The following KDM2B variants were observed in gnomAD, a reference collection of about 807,000 sequenced individuals.
KDM2B encodes lysine-specific demethylase 2B.
A neutral mutation model predicts 150.0 loss-of-function variants in KDM2B; 26 were observed. The ratio of observed to expected loss-of-function variants is 0.17; its 90% CI spans 0.13 to 0.24. KDM2B has a LOEUF of 0.24. KDM2B is among the 10% of genes least tolerant of loss of function. KDM2B has a pLI of 1.00. For synonymous variants in KDM2B, 734 were observed against 729.5 expected (o/e 1.01, Z -0.10); for missense variants, 1,265 against 1,816.9 (o/e 0.70, Z 5.52).
chr12:121,506,661 G>A (rs1311787381), intron 11 of KDM2B, among the ~76,000 whole-genome samples: 1 of 152,048 alleles, frequency 6.6e-6, no homozygotes, highest in African/African-American at 2.4e-5. Flanking sequence ...CAAAAGACCA[G>A]GCGCGGTGGC....
At position 121,444,017 on chromosome 12, in the gene KDM2B, T is replaced by A. The variant is rs1555289356; in HGVS notation, c.2446A>T (p.Lys816Ter). ...YEKPQELSGRKRASSLQTSPG... is the reference protein window; with the variant it reads ...YEKPQELSGR ...CAGCCCCTCCTGGTCCGTACCCGCT[T>A]GCGTCCACTCAGCTCCTGGGGCTTC... Residue 816 changes from lysine (K) to a stop codon, truncating the protein, a stop_gained, in exon 16 of 23, where the codon AAG becomes TAG. Transcript: ENST00000377071. LOFTEE classifies it high-confidence loss of function. The A allele has an allele frequency of 6.2e-7, 1 of 1,609,246 alleles. No homozygotes were observed. Among genetic ancestry groups the A allele is most frequent in the Non-Finnish European group, 8.5e-7 (1 of 1,176,934 alleles).
At chr12:121,550,454 GGCCAAATCCAGC>G (rs1307626021) in intron 4 of KDM2B, among the ~76,000 whole-genome samples, 2 of 152,104 alleles carry the variant, frequency 1.3e-5, no homozygotes, top group Non-Finnish European at 2.9e-5. Flanking sequence ...ACAGCCCAAG[GGCCAAATCCAGC>G]CTACGGCCTA....
At chr12:121,455,545 A>C (rs1443099055) in intron 12 of KDM2B, among the ~76,000 whole-genome samples, 2 of 152,092 alleles carry the variant, frequency 1.3e-5, no homozygotes, top group Admixed American at 6.5e-5. Context: ...ACCTACAAAA[A>C]ATTTTTAAAA....
In KDM2B at chr12:121,488,520, TGAAG is replaced by T. The variant is rs1367207291; in HGVS notation, c.1734+6055_1734+6058del. Among the ~76,000 whole-genome samples, 5 of 152,256 alleles carry T rather than the reference TGAAG, an allele frequency of 3.3e-5. No individual in the cohort carries two copies. The South Asian group carries it at 6.2e-4, about 19-fold the overall frequency. On this transcript the variant is annotated intron_variant, in intron 12 of 22. Transcript: ENST00000377071. ...CCAAGACAACACAGCTAGTCAGTGG[TGAAG>T]GAAGGAGTCCACCCACAGGTGCATC... is the stretch of plus-strand genomic sequence containing the variant.
intron 11 of KDM2B, among the ~76,000 whole-genome samples, chr12:121,495,528 G>C (rs541756304): frequency 1.3e-5 from 2 of 152,264 alleles, no homozygotes; most frequent in African/African-American, 4.8e-5. Context: ...TCAAACTCCT[G>C]GCCTCGAGGA....
Position 121,520,843 on chromosome 12 carries a change from C to G in KDM2B, c.1047+142G>C, listed in dbSNP as rs528190370. 2.4e-4 allele frequency: 142 copies of G among 580,196 alleles called. 1 individual carries two copies. The highest frequency in any genetic ancestry group is 9.9e-4 in the Middle Eastern group (2 of 2,028). The allele number at this position is 580,196 out of a possible 1,614,324, so 35.9% of individuals were successfully genotyped here. On this transcript the variant is annotated intron_variant, in intron 9 of 22. Transcript: ENST00000377071. This position sits in a 1 kb window ranked among gnomAD's most constrained non-coding sequence, Gnocchi z 4.5. ...TGCCCCCCCTCCCCCGCCACAGAAC[C>G]AGGACTGAAGCCAGCTTGAGAGAGG...
intron 8 of KDM2B, chr12:121,524,783 T>C: frequency 2.4e-6 from 1 of 413,866 alleles, no homozygotes; most frequent in Admixed American, 2.8e-5. Flanking sequence ...CCAGCCAGAG[T>C]CATCGACAAT....
At chr12:121,507,405 A>AT (rs1464942442) in intron 11 of KDM2B, among the ~76,000 whole-genome samples, 5 of 152,184 alleles carry the variant, frequency 3.3e-5, no homozygotes, top group African/African-American at 1.2e-4. Flanking sequence ...GAAGGTTTCA[A>AT]TGTGTTTGTA....
intron 2 of KDM2B, among the ~76,000 whole-genome samples, chr12:121,576,825 G>T (rs1402036685): frequency 6.6e-6 from 1 of 152,216 alleles, no homozygotes; most frequent in African/African-American, 2.4e-5. Context: ...GAAGGGAGAA[G>T]AAGAGGCCTC....
chr12:121,441,045 T>A, intron 20 of KDM2B, 25 bp downstream of exon 20: 3 of 1,613,570 alleles, frequency 1.9e-6, no homozygotes, highest in Non-Finnish European at 2.5e-6. Context: ...GCAGACACAC[T>A]CGGGGCCACT....
intron 12 of KDM2B, among the ~76,000 whole-genome samples, chr12:121,482,524 T>C (rs1273730794): frequency 6.6e-6 from 1 of 152,004 alleles, no homozygotes; most frequent in Non-Finnish European, 1.5e-5. Flanking sequence ...ATGGTCTCAA[T>C]CTCCGGACCT....
At chr12:121,506,175 A>C (rs1885054342) in intron 11 of KDM2B, among the ~76,000 whole-genome samples, 1 of 151,854 alleles carries the variant, frequency 6.6e-6, no homozygotes, top group Non-Finnish European at 1.5e-5. Flanking sequence ...ACACCTGGCT[A>C]ATTTTTGTTT....
At chr12:121,443,178 C>A (rs1237213053) in intron 17 of KDM2B, 148 bp from the exon 18 acceptor site, 14 of 721,762 alleles carry the variant, frequency 1.9e-5, no homozygotes, top group Non-Finnish European at 4.7e-6. Flanking sequence ...CACGTCTGAC[C>A]GACAGACGGG....
In KDM2B at chr12:121,564,058, T is replaced by C. The variant is rs1594137334; in HGVS notation, c.397+10489A>G. On this transcript the variant is annotated intron_variant, in intron 4 of 22. Coordinates refer to ENST00000377071, the MANE Select transcript of KDM2B (RefSeq NM_032590.5). ...TGAGACCAGGAGGTTGAGGCGGCAG[T>C]GAGCTGTAATCACACAACTGGACTC... is the stretch of plus-strand genomic sequence containing the variant. Among the ~76,000 whole-genome samples, 3 of 151,864 alleles carry C rather than the reference T, an allele frequency of 2.0e-5. No homozygotes were observed. The South Asian group carries it at 6.2e-4, about 32-fold the overall frequency.
chr12:121,525,794 G>T (rs1555306712), intron 8 of KDM2B, among the ~76,000 whole-genome samples: 2 of 152,188 alleles, frequency 1.3e-5, no homozygotes, highest in African/African-American at 4.8e-5. Flanking sequence ...AATACCTGGG[G>T]CTACCATGAT....
chr12:121,443,222 G>A (rs1555289075), intron 17 of KDM2B, 192 bp from the exon 18 acceptor site: 1 of 621,146 alleles, frequency 1.6e-6, no homozygotes, highest in African/African-American at 1.8e-5. Flanking sequence ...GGAAGAAGCT[G>A]GAAGTAGGAG....
chr12:121,495,420 C>G (rs1555300785), intron 11 of KDM2B, among the ~76,000 whole-genome samples: 1 of 152,194 alleles, frequency 6.6e-6, no homozygotes, highest in African/African-American at 2.4e-5. Context: ...CTTGGCCTCC[C>G]AAAGTGCTGG....
At chr12:121,485,924 G>A (rs2140156201) in intron 12 of KDM2B, among the ~76,000 whole-genome samples, 1 of 149,894 alleles carries the variant, frequency 6.7e-6, no homozygotes, top group East Asian at 2.0e-4. Flanking sequence ...TTACAGGCAT[G>A]CGCCACCACA....
At chr12:121,474,728 G>A (rs1881162720) in intron 12 of KDM2B, among the ~76,000 whole-genome samples, 1 of 152,164 alleles carries the variant, frequency 6.6e-6, no homozygotes, top group Non-Finnish European at 1.5e-5. Context: ...TGAGGTGGGC[G>A]AATTCCTTGA....
Sources: allele counts gnomAD v4.1 joint callset (sites outside exome capture counted in the v4.1 genomes callset), GRCh38; gene constraint gnomAD v4.1.1; non-coding constraint Gnocchi (gnomAD v3.1); transcripts MANE v1.5; gene names NCBI Gene and HGNC (gene_info 2026-07-23, HGNC 2026-07-21).